Variants in ITGA11 observed in about 807,000 individuals in gnomAD.
ITGA11 encodes the protein integrin subunit alpha 11, also known as integrin alpha-11.
Under a neutral mutation model 141.9 loss-of-function variants are expected in ITGA11, and 97 were observed. That is an observed-to-expected ratio of 0.68 (90% CI 0.58 to 0.81). ITGA11 has a LOEUF of 0.81. Among genes scored for constraint, ITGA11 ranks in the 30% least tolerant of loss-of-function variants. The pLI, the probability that ITGA11 is intolerant of heterozygous loss-of-function variation, is 0.00. For missense variants in ITGA11, 1,387 were observed against 1,559.2 expected (o/e 0.89, Z 1.86); for synonymous variants, 658 against 624.6 (o/e 1.05, Z -0.80).
Position 68,321,646 on chromosome 15 carries a change from G to T in ITGA11, c.2323-143C>A, listed in dbSNP as rs185692579. Reference sequence around the variant, plus strand: ...CCCAGACACCACACTGCTCTGTCTTGTGCTTTTCCATAGATGCTTCCCTCT... The same window carrying T: ...CCCAGACACCACACTGCTCTGTCTTTTGCTTTTCCATAGATGCTTCCCTCT... On this transcript the variant is annotated intron_variant, in intron 18 of 29. Coordinates refer to ENST00000315757, the MANE Select transcript of ITGA11 (RefSeq NM_001004439.2). The surrounding 1 kb of genome is among the most constrained non-coding windows in gnomAD (Gnocchi z 4.9). The T allele has an allele frequency of 1.3e-4, 61 of 470,958 alleles. No homozygotes were observed. Among genetic ancestry groups the T allele is most frequent in the African/African-American group, 1.2e-3 (61 of 48,998 alleles). 29.2% of individuals were successfully genotyped at this position (470,958 alleles called of 1,614,324 possible).
In ITGA11 at chr15:68,335,668, A is replaced by C; in HGVS notation, c.1425+29T>G. The C allele has an allele frequency of 6.2e-7, 1 of 1,610,836 alleles. No individual in the cohort carries two copies. Among genetic ancestry groups the C allele is most frequent in the Non-Finnish European group, 8.5e-7 (1 of 1,178,482 alleles). ...GTCTGATCTGCCCCCTCTTCCCTCC[A>C]TCCCGGCCCCAGGCTCCCCCTCCAT... On this transcript the variant is annotated intron_variant, in intron 12 of 29. Coordinates refer to ENST00000315757, the MANE Select transcript of ITGA11 (RefSeq NM_001004439.2). This position sits in a 1 kb window ranked among gnomAD's most constrained non-coding sequence, Gnocchi z 4.9.
Position 68,303,631 on chromosome 15 carries a change from C to T in ITGA11, c.3495+141G>A, listed in dbSNP as rs1322319655. 1.7e-6 allele frequency: 1 copy of T among 590,738 alleles called. No homozygotes were observed. Among genetic ancestry groups the T allele is most frequent in the South Asian group, 2.1e-5 (1 of 46,796 alleles). The allele number at this position is 590,738 out of a possible 1,614,324, so 36.6% of individuals were successfully genotyped here. ...CTGAGTGCCGTCTGTTGGCCCTAAC[C>T]AGTGTGTCTGCTATGGCGAGGGGTG... On this transcript the variant is annotated intron_variant, in intron 29 of 29. Coordinates refer to ENST00000315757, the MANE Select transcript of ITGA11 (RefSeq NM_001004439.2). This position sits in a 1 kb window ranked among gnomAD's most constrained non-coding sequence, Gnocchi z 5.3.
chr15:68,377,695 T>C (rs771338511), intron 2 of ITGA11, among the ~76,000 whole-genome samples: 18 of 152,272 alleles, frequency 1.2e-4, no homozygotes, highest in Non-Finnish European at 2.1e-4. Flanking sequence ...GGAATCACTC[T>C]ACATATGTGG....
At chr15:68,403,624 CTT>C in intron 1 of ITGA11, among the ~76,000 whole-genome samples, 1 of 151,712 alleles carries the variant, frequency 6.6e-6, no homozygotes, top group African/African-American at 2.4e-5. Context: ...TTCTTTCTTT[CTT>C]TCTTTCTTTT....
chr15:68,303,961 G>T lies in ITGA11; in HGVS notation c.3382-76C>A. On this transcript the variant is annotated intron_variant, in intron 28 of 29. Transcript: ENST00000315757. The surrounding 1 kb of genome is among the most constrained non-coding windows in gnomAD (Gnocchi z 5.3). Reference sequence around the variant, plus strand: ...GTGGCAGTCTGGGAGGGGCAGGAGGGTGGAGACAGCTGGCACCTGGTGGGG... The same window carrying T: ...GTGGCAGTCTGGGAGGGGCAGGAGGTTGGAGACAGCTGGCACCTGGTGGGG... 1 of 900,166 alleles carries T rather than the reference G, an allele frequency of 1.1e-6. No individual in the cohort carries two copies. The highest frequency in any genetic ancestry group is 1.8e-6 in the Non-Finnish European group (1 of 554,586). The allele number at this position is 900,166 out of a possible 1,614,324, so 55.8% of individuals were successfully genotyped here.
At chr15:68,386,884 A>G (rs1173351270) in intron 2 of ITGA11, among the ~76,000 whole-genome samples, 1 of 152,002 alleles carries the variant, frequency 6.6e-6, no homozygotes, top group Non-Finnish European at 1.5e-5. Context: ...GACTAAAGAC[A>G]CTGGCAGCTG....
chr15:68,326,680 A>C lies in ITGA11; in HGVS notation c.2185T>G (p.Cys729Gly), dbSNP rs1238808209. 1 of 1,591,862 alleles carries C rather than the reference A, an allele frequency of 6.3e-7. No individual in the cohort carries two copies. The highest frequency in any genetic ancestry group is 8.6e-7 in the Non-Finnish European group (1 of 1,169,396). ...AGGACATGGAAGTTGATCCGCTCAC[A>C]GAGCTCCTGGCCGGAGGAGAGCAGT... ...AVLLSSGQEL[C>G]ERINFHVLDT... Residue 729 changes from cysteine to glycine, a missense_variant, in exon 17 of 30, where the codon TGT becomes GGT. By Grantham distance (159) the Cys-to-Gly change is radical (BLOSUM62 -3). Coordinates refer to ENST00000315757, the MANE Select transcript of ITGA11 (RefSeq NM_001004439.2). The surrounding 1 kb of genome is among the most constrained non-coding windows in gnomAD (Gnocchi z 6.8).
At chr15:68,413,072 GAAC>G (rs1007224785) in intron 1 of ITGA11, among the ~76,000 whole-genome samples, 32 of 152,144 alleles carry the variant, frequency 2.1e-4, no homozygotes, top group African/African-American at 7.5e-4. Context: ...CACATTTTTT[GAAC>G]AAAATATATA....
At chr15:68,376,546 C>T (rs1895734152) in intron 2 of ITGA11, among the ~76,000 whole-genome samples, 1 of 152,210 alleles carries the variant, frequency 6.6e-6, no homozygotes, top group African/African-American at 2.4e-5. Context: ...TCCTGAAATG[C>T]AGTTTTTGTA....
chr15:68,350,864 A>C, intron 8 of ITGA11, 82 bp from the exon 9 acceptor site: 1 of 1,426,158 alleles, frequency 7.0e-7, no homozygotes. Flanking sequence ...GACCCTGGGG[A>C]CCCCAGGGTG....
At chr15:68,352,823 G>A (rs573857044) in intron 7 of ITGA11, among the ~76,000 whole-genome samples, 33 of 152,270 alleles carry the variant, frequency 2.2e-4, no homozygotes, top group Admixed American at 1.4e-3. Flanking sequence ...AATTGGCAGA[G>A]AGGCTCTTGT....
chr15:68,341,016 G>T (rs183705572), intron 10 of ITGA11, among the ~76,000 whole-genome samples: 1 of 152,140 alleles, frequency 6.6e-6, no homozygotes, highest in Non-Finnish European at 1.5e-5. Flanking sequence ...CCCTGAGCCC[G>T]GCTGCCTGGC....
Position 68,305,232 on chromosome 15 carries a change from G to A in ITGA11, c.3382-1347C>T, listed in dbSNP as rs752585807. Among the ~76,000 whole-genome samples, 3 of 152,136 alleles carry A rather than the reference G, an allele frequency of 2.0e-5. No homozygotes were observed. The highest frequency in any genetic ancestry group is 4.4e-5 in the Non-Finnish European group (3 of 68,030). ...CTCTGCCTGCAAGGGTTTCCCTCAC[G>A]CAGCCACGAGACACTCCTGTCTTCC... On this transcript the variant is annotated intron_variant, in intron 28 of 29. Transcript: ENST00000315757. The surrounding 1 kb of genome is among the most constrained non-coding windows in gnomAD (Gnocchi z 4.6).
In ITGA11 at chr15:68,325,172, G is replaced by C. The variant is rs1216468267; in HGVS notation, c.2281C>G (p.Pro761Ala). 5 of 1,613,832 alleles carry C rather than the reference G, an allele frequency of 3.1e-6. No individual in the cohort carries two copies. Among genetic ancestry groups the C allele is most frequent in the Non-Finnish European group, 4.2e-6 (5 of 1,179,886 alleles). Residue 761 changes from proline (P) to alanine (A), a missense_variant, in exon 18 of 30, where the codon CCC becomes GCC. By Grantham distance (27) the Pro-to-Ala change is conservative (BLOSUM62 -1). Coordinates refer to ENST00000315757, the MANE Select transcript of ITGA11 (RefSeq NM_001004439.2). This position sits in a 1 kb window ranked among gnomAD's most constrained non-coding sequence, Gnocchi z 5.5. ...GTGGGCCAGCCGTCGTCCAGCATGG[G>C]GCCATGGTCAGGGTCCTCCAGGGAA... ...EYSLEDPDHGPMLDDGWPTTL... is the reference protein window; with the variant it reads ...EYSLEDPDHGAMLDDGWPTTL...
intron 10 of ITGA11, among the ~76,000 whole-genome samples, chr15:68,342,768 G>A (rs777846881): frequency 3.9e-5 from 6 of 152,210 alleles, no homozygotes; most frequent in Non-Finnish European, 8.8e-5. Context: ...TGGGGGTAGT[G>A]GTGGGGGTGC....
intron 24 of ITGA11, among the ~76,000 whole-genome samples, chr15:68,312,239 G>A (rs1235794428): frequency 1.3e-5 from 2 of 152,168 alleles, no homozygotes; most frequent in Non-Finnish European, 2.9e-5. Context: ...ACAACATTCT[G>A]GATAAAGAGA....
chr15:68,364,874 C>T (rs982640609), intron 3 of ITGA11, 76 bp from the exon 4 acceptor site: 2 of 1,408,796 alleles, frequency 1.4e-6, no homozygotes, highest in Admixed American at 1.8e-5. Flanking sequence ...CTGGTCTGGT[C>T]ACCCGAGGTG....
Position 68,339,606 on chromosome 15 carries a change from C to G in ITGA11, c.1170G>C (p.Trp390Cys). 6.2e-7 allele frequency: 1 copy of G among 1,614,010 alleles called. No individual in the cohort carries two copies. The highest frequency in any genetic ancestry group is 8.5e-7 in the Non-Finnish European group (1 of 1,179,898). ...TCGTCTCCTTTAGCACAGCTCCATT[C>G]CAGTCATAGGCACCGACGGCTCCCA... ...VLLGAVGAYDWNGAVLKETSA... is the reference protein window; with the variant it reads ...VLLGAVGAYDCNGAVLKETSA... Residue 390 changes from tryptophan to cysteine, a missense_variant, in exon 11 of 30, where the codon TGG becomes TGC. Transcript: ENST00000315757.
intron 2 of ITGA11, among the ~76,000 whole-genome samples, chr15:68,371,931 C>T (rs374122828): frequency 3.3e-5 from 5 of 152,154 alleles, no homozygotes; most frequent in African/African-American, 1.2e-4. Context: ...CTCCCTGGGT[C>T]CCATCTCCAC....
Sources: allele counts gnomAD v4.1 joint callset (sites outside exome capture counted in the v4.1 genomes callset), GRCh38; gene constraint gnomAD v4.1.1; non-coding constraint Gnocchi (gnomAD v3.1); transcripts MANE v1.5; gene names NCBI Gene and HGNC (gene_info 2026-07-23, HGNC 2026-07-21).